The following NTN4 variants were observed in gnomAD, a reference collection of about 807,000 sequenced individuals.
The protein encoded by NTN4 is netrin-4.
A neutral mutation model predicts 73.6 loss-of-function variants in NTN4; 32 were observed. The observed-to-expected ratio is 0.44, with a 90% confidence interval of 0.33 to 0.58. The LOEUF (loss-of-function observed/expected upper bound fraction) is 0.58, where lower values mean the gene tolerates loss of function less well. Among genes scored for constraint, NTN4 ranks in the 20% least tolerant of loss-of-function variants. NTN4 has a pLI of 0.04. For missense variants in NTN4, 654 were observed against 798.3 expected (o/e 0.82, Z 2.18); for synonymous variants, 258 against 287.5 (o/e 0.90, Z 1.04).
intron 8 of NTN4, among the ~76,000 whole-genome samples, chr12:95,668,250 TA>T (rs1398366441): frequency 1.3e-5 from 2 of 152,152 alleles, no homozygotes; most frequent in African/African-American, 4.8e-5. Flanking sequence ...TTCATTACAT[TA>T]AGAGCGTTCA....
chr12:95,670,139 G>T lies in NTN4; in HGVS notation c.1518C>A (p.Cys506Ter). The T allele has an allele frequency of 6.3e-7, 1 of 1,577,934 alleles. No homozygotes were observed. The highest frequency in any genetic ancestry group is 8.7e-7 in the Non-Finnish European group (1 of 1,156,010). Residue 506 changes from cysteine to a stop codon, truncating the protein, a stop_gained, in exon 8 of 10, where the codon TGC becomes TGA. Coordinates refer to ENST00000343702, the MANE Select transcript of NTN4 (RefSeq NM_021229.4). LOFTEE classifies it high-confidence loss of function. ...TTCCTAATGTCTGTTCCTTACATTC[G>T]CATTTACCTATGGAAAGTAAATTAA... The part of the protein sequence containing the change: ...GFSALLHSGK[C>*]ECKEQTLGNA...
chr12:95,672,543 C>A, intron 7 of NTN4: 1 of 1,528,090 alleles, frequency 6.5e-7, no homozygotes, highest in Non-Finnish European at 9.0e-7. Flanking sequence ...TGTGGCCCAC[C>A]TGTAATGAGG....
intron 2 of NTN4, among the ~76,000 whole-genome samples, chr12:95,756,656 A>G (rs917373759): frequency 2.6e-5 from 4 of 151,894 alleles, no homozygotes; most frequent in Non-Finnish European, 4.4e-5. Flanking sequence ...TGGATCATCA[A>G]TCTCTTGCCT....
intron 7 of NTN4, chr12:95,673,628 TA>T (rs3051520): frequency 0.52 from 78,904 of 151,414 alleles, 20,713 homozygotes; most frequent in African/African-American, 0.59. Flanking sequence ...TTTACTTTTA[TA>T]AAAAAAAAAA....
intron 2 of NTN4, among the ~76,000 whole-genome samples, chr12:95,784,933 G>A (rs1475845148): frequency 6.6e-6 from 1 of 152,166 alleles, no homozygotes; most frequent in African/African-American, 2.4e-5. Context: ...AAAAAGACAA[G>A]ACTGTATTTC....
intron 2 of NTN4, among the ~76,000 whole-genome samples, chr12:95,739,464 T>C (rs116426214): frequency 0.019 from 2,967 of 152,308 alleles, 105 homozygotes; most frequent in African/African-American, 0.067. Flanking sequence ...CAATATGTCA[T>C]ATATTCAAAA....
At chr12:95,739,652 A>T (rs1267006194) in intron 2 of NTN4, among the ~76,000 whole-genome samples, 1 of 152,212 alleles carries the variant, frequency 6.6e-6, no homozygotes, top group Non-Finnish European at 1.5e-5. Context: ...AAATGATATC[A>T]GTAAAGTGCT....
chr12:95,708,803 C>G (rs2078540964), intron 5 of NTN4, among the ~76,000 whole-genome samples: 1 of 152,182 alleles, frequency 6.6e-6, no homozygotes, highest in African/African-American at 2.4e-5. Flanking sequence ...TCTCATTACA[C>G]TACAGGCAGG....
intron 3 of NTN4, among the ~76,000 whole-genome samples, chr12:95,736,984 A>ATTTTGCTTTGGTTTGCTCAG (rs1255396268): frequency 6.6e-6 from 1 of 152,132 alleles, no homozygotes; most frequent in Non-Finnish European, 1.5e-5. Flanking sequence ...CATTTTATTC[A>ATTTTGCTTTGGTTTGCTCAG]TTTTGCTTTG....
rs1326986770 is a variant in NTN4 at position 95,790,316 on chromosome 12, G to A, written c.-7C>T. On this transcript the variant is annotated 5_prime_UTR_variant, in exon 1 of 10. Transcript: ENST00000343702. This position sits in a 1 kb window ranked among gnomAD's most constrained non-coding sequence, Gnocchi z 6.5. ...GCCGCGCGCAGCTCCCCATGGCCGG[G>A]AGGAGCCGGGAGCAGCCGGGCCGGG... 3.3e-6 allele frequency: 5 copies of A among 1,527,758 alleles called. No homozygotes were observed. Among genetic ancestry groups the A allele is most frequent in the Non-Finnish European group, 4.4e-6 (5 of 1,138,386 alleles). The allele number at this position is 1,527,758 out of a possible 1,614,324, so 94.6% of individuals were successfully genotyped here. A position where few individuals can be genotyped will look rare whatever the true frequency, so the allele number is the denominator to read the frequency against.
Position 95,771,451 on chromosome 12 carries a change from T to TA in NTN4, c.585+15487dup, listed in dbSNP as rs565064402. ...ACTAATTAGAAGATGAATAAATTTT[T>TA]AAAAAATTCTGCACACAAATTGAAA... On this transcript the variant is annotated intron_variant, in intron 2 of 9. Transcript: ENST00000343702. 5.8e-3 allele frequency among the ~76,000 whole-genome samples: 887 copies of TA among 152,300 alleles called. 3 individuals are homozygous for TA. Among genetic ancestry groups the TA allele is most frequent in the African/African-American group, 0.019 (799 of 41,554 alleles).
chr12:95,777,981 C>T (rs2079106302), intron 2 of NTN4, among the ~76,000 whole-genome samples: 1 of 152,148 alleles, frequency 6.6e-6, no homozygotes, highest in African/African-American at 2.4e-5. Context: ...ACAGTGCAAT[C>T]AAATTAGAAC....
At chr12:95,672,111 A>C (rs2078235740) in intron 7 of NTN4, among the ~76,000 whole-genome samples, 1 of 151,868 alleles carries the variant, frequency 6.6e-6, no homozygotes. Context: ...GCTTGAGCCC[A>C]GGAGTCTAAG....
chr12:95,710,339 G>T, intron 5 of NTN4, 102 bp downstream of exon 5: 1 of 918,268 alleles, frequency 1.1e-6, no homozygotes, highest in Non-Finnish European at 1.6e-6. Flanking sequence ...TGTTATCTCA[G>T]AACCTCAATG....
At chr12:95,726,304 T>C (rs927776064) in intron 3 of NTN4, among the ~76,000 whole-genome samples, 5 of 152,320 alleles carry the variant, frequency 3.3e-5, no homozygotes, top group Middle Eastern at 3.4e-3. Context: ...TACCTGCCAA[T>C]CACCAACCTA....
intron 3 of NTN4, among the ~76,000 whole-genome samples, chr12:95,714,282 C>A (rs937217957): frequency 2.0e-5 from 3 of 152,112 alleles, no homozygotes; most frequent in African/African-American, 7.2e-5. Flanking sequence ...AACCAAGATG[C>A]ATTCCAGTAC....
At position 95,687,176 on chromosome 12, in the gene NTN4, C is replaced by T. The variant is rs373815494; in HGVS notation, c.1181-3465G>A. Among the ~76,000 whole-genome samples, 188 of 151,770 alleles carry T rather than the reference C, an allele frequency of 1.2e-3. 4 individuals carry two copies. In the East Asian group the frequency reaches 0.03, roughly 25 times the overall value. On this transcript the variant is annotated intron_variant, in intron 5 of 9. Transcript: ENST00000343702. ...CTATTTTGTCCCTATCACAGTGCAT[C>T]ATTATTATTTTTTCCATTGGAAAAG...
rs570250208 is a variant in NTN4 at position 95,753,464 on chromosome 12, G to C, written c.586-15320C>G. 5.7e-4 allele frequency among the ~76,000 whole-genome samples: 82 copies of C among 143,002 alleles called. 2 individuals are homozygous for C. Among genetic ancestry groups the C allele is most frequent in the Non-Finnish European group, 1.2e-3 (75 of 64,850 alleles). The allele number at this position is 143,002 out of a possible 152,430, so 93.8% of individuals were successfully genotyped here. The stretch of plus-strand genomic sequence containing the variant: ...AGACACTTTCACTGAATAAGTAAAG[G>C]CCTTTCCTACAGGGTCTGAGAAGGC... On this transcript the variant is annotated intron_variant, in intron 2 of 9. Transcript: ENST00000343702.
intron 5 of NTN4, among the ~76,000 whole-genome samples, chr12:95,695,761 T>G (rs1342595900): frequency 6.6e-6 from 1 of 152,234 alleles, no homozygotes; most frequent in Non-Finnish European, 1.5e-5. Context: ...AGTTACTATT[T>G]ATTCCTGGGT....
Sources: gnomAD v4.1 joint callset for allele counts (sites outside exome capture counted in the v4.1 genomes callset) on GRCh38, gnomAD v4.1.1 for gene constraint, Gnocchi (gnomAD v3.1) non-coding constraint, MANE v1.5 for transcripts, NCBI Gene and HGNC (gene_info 2026-07-23, HGNC 2026-07-21) for gene names.